Variants in SGCZ observed in about 807,000 individuals in gnomAD.
SGCZ encodes sarcoglycan zeta.
A neutral mutation model predicts 41.3 loss-of-function variants in SGCZ; 40 were observed. That is an observed-to-expected ratio of 0.97 (90% CI 0.75 to 1.26). The LOEUF (loss-of-function observed/expected upper bound fraction) is 1.26. SGCZ is among the 50% of genes most tolerant of loss of function. The pLI, the probability that SGCZ is intolerant of heterozygous loss-of-function variation, is 0.00. For synonymous variants in SGCZ, 206 were observed against 137.5 expected (o/e 1.50, Z -3.49); for missense variants, 552 against 369.8 (o/e 1.49, Z -4.04).
intron 2 of SGCZ, among the ~76,000 whole-genome samples, chr8:14,380,401 G>A (rs937868561): frequency 6.6e-6 from 1 of 152,086 alleles, no homozygotes; most frequent in Non-Finnish European, 1.5e-5. Context: ...GATCCATCTG[G>A]AATTTATTTT....
At chr8:15,114,654 T>A (rs1249768833) in intron 1 of SGCZ, among the ~76,000 whole-genome samples, 1 of 152,140 alleles carries the variant, frequency 6.6e-6, no homozygotes, top group East Asian at 1.9e-4. Flanking sequence ...GCAGAATAGT[T>A]ACTGAACCCA....
At chr8:14,963,102 G>A (rs955785842) in intron 1 of SGCZ, among the ~76,000 whole-genome samples, 2 of 152,084 alleles carry the variant, frequency 1.3e-5, no homozygotes, top group Non-Finnish European at 2.9e-5. Context: ...CTTTACTAAA[G>A]CCAAAGCCCA....
At chr8:15,155,703 T>C (rs1188080584) in intron 1 of SGCZ, among the ~76,000 whole-genome samples, 1 of 152,208 alleles carries the variant, frequency 6.6e-6, no homozygotes, top group Non-Finnish European at 1.5e-5. Flanking sequence ...TTGATCACCA[T>C]GCAAAATTGA....
intron 1 of SGCZ, among the ~76,000 whole-genome samples, chr8:14,614,314 T>C (rs1265273844): frequency 6.6e-6 from 1 of 152,142 alleles, no homozygotes; most frequent in Non-Finnish European, 1.5e-5. Flanking sequence ...TTTTTCCATA[T>C]AATTACAGTA....
chr8:15,058,947 A>C (rs901108365), intron 1 of SGCZ, among the ~76,000 whole-genome samples: 15 of 152,186 alleles, frequency 9.9e-5, no homozygotes, highest in Admixed American at 2.0e-4. Flanking sequence ...TTTTAAAAGA[A>C]ATTTATTAAG....
intron 1 of SGCZ, among the ~76,000 whole-genome samples, chr8:14,856,043 G>A (rs4446744): frequency 0.012 from 1,783 of 152,216 alleles, 27 homozygotes; most frequent in African/African-American, 0.04. Context: ...TTTAATTGAC[G>A]TTTATAACCC....
At chr8:14,584,167 T>C (rs918408658) in intron 1 of SGCZ, among the ~76,000 whole-genome samples, 1 of 152,114 alleles carries the variant, frequency 6.6e-6, no homozygotes, top group African/African-American at 2.4e-5. Flanking sequence ...AAAGGGGGAA[T>C]AACTACTAGG....
chr8:14,158,959 G>A (rs1157870366), intron 5 of SGCZ, among the ~76,000 whole-genome samples: 1 of 152,078 alleles, frequency 6.6e-6, no homozygotes, highest in Non-Finnish European at 1.5e-5. Context: ...GCAGAGATGG[G>A]GGTTTCACCA....
At chr8:14,682,688 C>A (rs542292626) in intron 1 of SGCZ, among the ~76,000 whole-genome samples, 1 of 152,296 alleles carries the variant, frequency 6.6e-6, no homozygotes, top group South Asian at 2.1e-4. Flanking sequence ...CCCGCCTCGG[C>A]CTCCCAAAGT....
chr8:14,298,840 T>C (rs943852607), intron 3 of SGCZ, among the ~76,000 whole-genome samples: 1 of 151,962 alleles, frequency 6.6e-6, no homozygotes, highest in Non-Finnish European at 1.5e-5. Flanking sequence ...TCTGCAGAAA[T>C]CAACATTTTT....
chr8:14,812,133 G>C (rs373254518), intron 1 of SGCZ, among the ~76,000 whole-genome samples: 2 of 151,744 alleles, frequency 1.3e-5, no homozygotes, highest in East Asian at 3.9e-4. Context: ...ACATTTTAAA[G>C]ATATTTTAAA....
chr8:14,221,853 C>T (rs1806206082), intron 4 of SGCZ, among the ~76,000 whole-genome samples: 1 of 151,788 alleles, frequency 6.6e-6, no homozygotes, highest in Non-Finnish European at 1.5e-5. Context: ...CCTGTAATCT[C>T]GGGAGACTGA....
chr8:14,390,603 G>T (rs1475533840), intron 2 of SGCZ, among the ~76,000 whole-genome samples: 5 of 151,858 alleles, frequency 3.3e-5, no homozygotes, highest in African/African-American at 7.2e-5. Flanking sequence ...GGTAAGCATT[G>T]AAACAGTATG....
chr8:14,922,398 G>A (rs1417660883), intron 1 of SGCZ, among the ~76,000 whole-genome samples: 2 of 152,078 alleles, frequency 1.3e-5, no homozygotes, highest in African/African-American at 2.4e-5. Flanking sequence ...TAAATATTGA[G>A]AAAACAGTGA....
At chr8:14,795,243 A>G (rs1412738868) in intron 1 of SGCZ, among the ~76,000 whole-genome samples, 1 of 152,228 alleles carries the variant, frequency 6.6e-6, no homozygotes, top group Non-Finnish European at 1.5e-5. Context: ...ACATATGTAT[A>G]TTCACACTAA....
chr8:14,590,129 C>A (rs1805194775), intron 1 of SGCZ, among the ~76,000 whole-genome samples: 1 of 151,956 alleles, frequency 6.6e-6, no homozygotes, highest in Admixed American at 6.6e-5. Context: ...CAGTAATAAT[C>A]AAGTATTTTT....
At chr8:14,688,110 G>C (rs372419058) in intron 1 of SGCZ, among the ~76,000 whole-genome samples, 1 of 152,138 alleles carries the variant, frequency 6.6e-6, no homozygotes, top group African/African-American at 2.4e-5. Flanking sequence ...TGTCAGATGA[G>C]TAGGTTGCGA....
At chr8:15,218,266 T>C (rs897560982) in intron 1 of SGCZ, among the ~76,000 whole-genome samples, 1 of 152,180 alleles carries the variant, frequency 6.6e-6, no homozygotes, top group South Asian at 2.1e-4. Flanking sequence ...GGAAGAGTTA[T>C]TTAAAAGAAT....
intron 2 of SGCZ, among the ~76,000 whole-genome samples, chr8:14,396,040 G>T (rs943989498): frequency 1.3e-5 from 2 of 152,086 alleles, no homozygotes; most frequent in Admixed American, 6.6e-5. Context: ...ACGTACAAAA[G>T]AAATCATTTT....
Sources: gnomAD v4.1 joint callset for allele counts (sites outside exome capture counted in the v4.1 genomes callset) on GRCh38, gnomAD v4.1.1 for gene constraint, MANE v1.5 for transcripts, NCBI Gene and HGNC (gene_info 2026-07-23, HGNC 2026-07-21) for gene names.